TRAF3IP2: variants seen among roughly 807,000 people sequenced by gnomAD.
TRAF3IP2 encodes the protein TRAF3 interacting protein 2.
Under a neutral mutation model 57.9 loss-of-function variants are expected in TRAF3IP2, and 35 were observed. The ratio of observed to expected loss-of-function variants is 0.60; its 90% confidence interval spans 0.46 to 0.80. The LOEUF is 0.80. Ranked by LOEUF, TRAF3IP2 falls within the 30% of genes least tolerant of loss-of-function variation. TRAF3IP2 has a pLI of 0.00. For missense variants in TRAF3IP2, 556 were observed against 706.4 expected (o/e 0.79, Z 2.41); for synonymous variants, 251 against 268.9 (o/e 0.93, Z 0.65).
Position 111,555,860 on chromosome 6 carries a change from T to C in TRAF3IP2, c.*3545A>G, listed in dbSNP as rs79219929. On this transcript the variant is annotated 3_prime_UTR_variant, in exon 9 of 9. Transcript: ENST00000368761. Reference sequence around the variant, plus strand: ...GGCTCATGCCTGTAATCCCAGCAATTTGGGAGGCCGAGGCGGATGGATCAC... The same window carrying C: ...GGCTCATGCCTGTAATCCCAGCAATCTGGGAGGCCGAGGCGGATGGATCAC... 6.6e-6 allele frequency among the ~76,000 whole-genome samples: 1 copy of C among 152,108 alleles called. No individual in the cohort carries two copies. Among genetic ancestry groups the C allele is most frequent in the East Asian group, 1.9e-4 (1 of 5,194 alleles).
At position 111,570,857 on chromosome 6, in the gene TRAF3IP2, C is replaced by T. The variant is rs141109840; in HGVS notation, c.1290+2038G>A. Among the ~76,000 whole-genome samples the T allele has an allele frequency of 2.4e-3, 364 of 151,540 alleles. 3 individuals are homozygous for T. Among genetic ancestry groups the T allele is most frequent in the African/African-American group, 8.5e-3 (352 of 41,278 alleles). ...CTGGGACTACAGGCACGCACCACCACACCCAGTGTAATTTGATTTTATGTC... is the reference window on the plus strand; with the variant it reads ...CTGGGACTACAGGCACGCACCACCATACCCAGTGTAATTTGATTTTATGTC... On this transcript the variant is annotated intron_variant, in intron 5 of 8. Transcript: ENST00000368761.
rs1795346117 is a variant in TRAF3IP2, at chr6:111,559,294, G to A, written c.*111C>T. ...CCTGGGGGCCAGAGGGCCTCTCGGG[G>A]AGGAACAGAAAAAAACCAGCCAGGA... is the stretch of plus-strand genomic sequence containing the variant. On this transcript the variant is annotated 3_prime_UTR_variant, in exon 9 of 9. Coordinates refer to ENST00000368761, the MANE Select transcript of TRAF3IP2 (RefSeq NM_147686.4). 6.9e-7 allele frequency: 1 copy of A among 1,451,206 alleles called. No individual in the cohort carries two copies. Among genetic ancestry groups the A allele is most frequent in the Non-Finnish European group, 9.3e-7 (1 of 1,079,276 alleles). The allele number at this position is 1,451,206 out of a possible 1,614,324, so 89.9% of individuals were successfully genotyped here. A position where few individuals can be genotyped will look rare whatever the true frequency, so the allele number is the denominator to read the frequency against.
intron 5 of TRAF3IP2, among the ~76,000 whole-genome samples, chr6:111,570,148 G>A (rs1795785112): frequency 6.6e-6 from 1 of 152,226 alleles, no homozygotes; most frequent in African/African-American, 2.4e-5. Context: ...GAGACCATGT[G>A]AGGACAGAAG....
intron 1 of TRAF3IP2, chr6:111,602,281 G>A (rs1796892264): frequency 6.6e-6 from 1 of 151,774 alleles, no homozygotes; most frequent in Admixed American, 6.6e-5. Context: ...TAAACATTTA[G>A]AGAACAACCT....
intron 5 of TRAF3IP2, among the ~76,000 whole-genome samples, chr6:111,570,516 G>A (rs186696717): frequency 4.6e-5 from 7 of 152,188 alleles, no homozygotes; most frequent in African/African-American, 1.4e-4. Context: ...ATCTAGATGT[G>A]TCAATAATAA....
At chr6:111,587,957 T>C (rs1038224427) in intron 2 of TRAF3IP2, among the ~76,000 whole-genome samples, 29 of 152,224 alleles carry the variant, frequency 1.9e-4, no homozygotes, top group Non-Finnish European at 3.5e-4. Flanking sequence ...GACAGATTCC[T>C]ATAAGTGAAA....
intron 2 of TRAF3IP2, chr6:111,587,257 T>G (rs754721303): frequency 2.6e-5 from 4 of 152,174 alleles, no homozygotes; most frequent in Non-Finnish European, 5.9e-5. Flanking sequence ...TTTCTATGTG[T>G]TTTTGTTTTT....
rs1466544145 is a variant in TRAF3IP2 at position 111,559,327 on chromosome 6, C to T, written c.*78G>A. 1.7e-5 allele frequency: 27 copies of T among 1,543,650 alleles called. No homozygotes were observed. In the East Asian group the frequency reaches 3.4e-4, roughly 19 times the overall value. ...GAAAAAAACCAGCCAGGAGTGCTACCGACCAGCCTCAGCCAGAATGCTGTC... is the reference window on the plus strand; with the variant it reads ...GAAAAAAACCAGCCAGGAGTGCTACTGACCAGCCTCAGCCAGAATGCTGTC... On this transcript the variant is annotated 3_prime_UTR_variant, in exon 9 of 9. Coordinates refer to ENST00000368761, the MANE Select transcript of TRAF3IP2 (RefSeq NM_147686.4).
At chr6:111,597,242 G>T (rs1246199816) in intron 1 of TRAF3IP2, among the ~76,000 whole-genome samples, 1 of 152,144 alleles carries the variant, frequency 6.6e-6, no homozygotes, top group Non-Finnish European at 1.5e-5. Context: ...CATGCCCAAA[G>T]GTCCTGCCCA....
chr6:111,559,287 T>C lies in TRAF3IP2; in HGVS notation c.*118A>G. 1 of 1,421,004 alleles carries C rather than the reference T, an allele frequency of 7.0e-7. No individual in the cohort carries two copies. Among genetic ancestry groups the C allele is most frequent in the Non-Finnish European group, 9.5e-7 (1 of 1,055,062 alleles). The allele number at this position is 1,421,004 out of a possible 1,614,324, so 88.0% of individuals were successfully genotyped here. On this transcript the variant is annotated 3_prime_UTR_variant, in exon 9 of 9. Transcript: ENST00000368761. ...CAGGTTTCCTGGGGGCCAGAGGGCC[T>C]CTCGGGGAGGAACAGAAAAAAACCA... is the stretch of plus-strand genomic sequence containing the variant.
rs185808402 is a variant in TRAF3IP2, at chr6:111,598,355, T to C, written c.-8-6261A>G. ...TAAGAATTTCCCCTGCAGAGATATG[T>C]ATATCTTGTATGAAATGAAGAGGCT... On this transcript the variant is annotated intron_variant, in intron 1 of 8. Transcript: ENST00000368761. 292 of 160,610 alleles carry C rather than the reference T, an allele frequency of 1.8e-3. 2 individuals are homozygous for C. Among genetic ancestry groups the C allele is most frequent in the African/African-American group, 6.6e-3 (275 of 41,624 alleles). 9.9% of individuals were successfully genotyped at this position (160,610 alleles called of 1,614,324 possible).
intron 4 of TRAF3IP2, chr6:111,573,507 C>G (rs547149162): frequency 6.5e-6 from 1 of 153,564 alleles, no homozygotes; most frequent in Non-Finnish European, 1.4e-5. Flanking sequence ...CCTTCTTCCC[C>G]GCAATCCACT....
intron 3 of TRAF3IP2, 74 bp from the exon 4 acceptor site, chr6:111,575,895 G>C: frequency 1.4e-6 from 2 of 1,410,246 alleles, no homozygotes; most frequent in Non-Finnish European, 1.9e-6. Flanking sequence ...AAGACTTTTA[G>C]AACTATGGGA....
intron 7 of TRAF3IP2, among the ~76,000 whole-genome samples, chr6:111,563,930 GT>G (rs1468964759): frequency 1.3e-5 from 2 of 152,220 alleles, no homozygotes; most frequent in East Asian, 3.8e-4. Context: ...TAGGAGGGGA[GT>G]TAGAGTCTTC....
chr6:111,561,051 G>A (rs1450944075), intron 8 of TRAF3IP2, among the ~76,000 whole-genome samples: 6 of 150,804 alleles, frequency 4.0e-5, no homozygotes, highest in Admixed American at 2.6e-4. Flanking sequence ...GCGTGGTGGC[G>A]AGCACCTATA....
chr6:111,581,310 G>A (rs1454817299), intron 2 of TRAF3IP2, among the ~76,000 whole-genome samples: 1 of 152,218 alleles, frequency 6.6e-6, no homozygotes, highest in Non-Finnish European at 1.5e-5. Flanking sequence ...AGAGATGCAA[G>A]AGGACTGAAG....
chr6:111,561,896 C>T (rs78992287), intron 8 of TRAF3IP2, among the ~76,000 whole-genome samples: 3,109 of 152,232 alleles, frequency 0.02, 58 homozygotes, highest in Admixed American at 0.061. Context: ...AGCAGTGAGA[C>T]CCTGGGCAAA....
At chr6:111,593,857 G>C (rs1348841942) in intron 1 of TRAF3IP2, among the ~76,000 whole-genome samples, 1 of 152,192 alleles carries the variant, frequency 6.6e-6, no homozygotes. Context: ...TTGGCCGGGC[G>C]CAGTGGCTCG....
chr6:111,559,356 A>G lies in TRAF3IP2; in HGVS notation c.*49T>C. The G allele has an allele frequency of 6.3e-7, 1 of 1,592,848 alleles. No homozygotes were observed. Among genetic ancestry groups the G allele is most frequent in the Non-Finnish European group, 8.5e-7 (1 of 1,170,384 alleles). On this transcript the variant is annotated 3_prime_UTR_variant, in exon 9 of 9. Transcript: ENST00000368761. ...CAGCCTCAGCCAGAATGCTGTCAGA[A>G]CAAGGCCCCAAACATGGCCTGGCCT...
Sources: gnomAD v4.1 joint callset for allele counts (sites outside exome capture counted in the v4.1 genomes callset) on GRCh38, gnomAD v4.1.1 for gene constraint, MANE v1.5 for transcripts, NCBI Gene and HGNC (gene_info 2026-07-23, HGNC 2026-07-21) for gene names.